Variants in NLRP2 observed in about 807,000 individuals in gnomAD.
NLRP2 encodes the protein NLR family pyrin domain containing 2, also known as NACHT, LRR and PYD domains-containing protein 2.
In NLRP2, 107 loss-of-function variants were observed where a neutral mutation model predicts 97.2. The ratio of observed to expected loss-of-function variants is 1.10; its 90% confidence interval spans 0.94 to 1.29. NLRP2 has a LOEUF of 1.29. NLRP2 is among the 50% of genes most tolerant of loss of function. The probability of loss-of-function intolerance (pLI) is 0.00; values close to 1 mark genes in which losing one functional copy is unlikely to be tolerated. For synonymous variants in NLRP2, 663 were observed against 551.5 expected (o/e 1.20, Z -2.83); for missense variants, 1,495 against 1,330.3 (o/e 1.12, Z -1.93).
chr19:54,988,385 C>A (rs922776535), intron 8 of NLRP2, among the ~76,000 whole-genome samples: 2 of 151,972 alleles, frequency 1.3e-5, no homozygotes, highest in Non-Finnish European at 2.9e-5. Context: ...CTCTGCCTCC[C>A]GGGTTCAAGT....
intron 2 of NLRP2, chr19:54,973,803 G>C: frequency 1.7e-6 from 1 of 594,934 alleles, no homozygotes; most frequent in Non-Finnish European, 3.3e-6. Context: ...CATGCCAATA[G>C]CGCTCACACA....
chr19:54,998,611 CTT>C (rs375510249), intron 12 of NLRP2, among the ~76,000 whole-genome samples: 4,252 of 41,586 alleles, frequency 0.1, 51 homozygotes, highest in Non-Finnish European at 0.13. Flanking sequence ...CATCTTTTTT[CTT>C]TTTTTTTTTT....
chr19:54,994,473 T>TAC lies in NLRP2; in HGVS notation c.2879+37_2879+38dup, dbSNP rs1555782435. The stretch of plus-strand genomic sequence containing the variant: ...ACTTATAAGTTCAACTTCCTATACT[T>TAC]ACACCTTACTGAATCTGTGGCTAGT... On this transcript the variant is annotated intron_variant, in intron 11 of 12. Coordinates refer to ENST00000448584, the MANE Select transcript of NLRP2 (RefSeq NM_017852.5). 2.5e-6 allele frequency: 4 copies of TAC among 1,604,940 alleles called. No homozygotes were observed. In the African/African-American group the frequency reaches 5.4e-5, roughly 21 times the overall value.
Position 55,000,986 on chromosome 19 carries a change from A to G in NLRP2, c.*88A>G. ...GTGACTCCTCTCCTCCCCGGCCCCT[A>G]CCCCTCAGGGATAATGAGTTCATTG... On this transcript the variant is annotated 3_prime_UTR_variant, in exon 13 of 13. Coordinates refer to ENST00000448584, the MANE Select transcript of NLRP2 (RefSeq NM_017852.5). 2 of 1,192,280 alleles carry G rather than the reference A, an allele frequency of 1.7e-6. No individual in the cohort carries two copies. The highest frequency in any genetic ancestry group is 1.2e-5 in the South Asian group (1 of 82,376). The allele number at this position is 1,192,280 out of a possible 1,614,324, so 73.9% of individuals were successfully genotyped here.
intron 12 of NLRP2, among the ~76,000 whole-genome samples, chr19:54,999,493 G>A (rs1180041972): frequency 6.6e-6 from 1 of 152,154 alleles, no homozygotes; most frequent in Non-Finnish European, 1.5e-5. Flanking sequence ...CTGAGTAGAA[G>A]TTGCCAAAGT....
Position 54,983,744 on chromosome 19 carries a change from C to T in NLRP2, c.2030+16C>T, listed in dbSNP as rs768108335. The T allele has an allele frequency of 5.6e-6, 9 of 1,605,922 alleles. No individual in the cohort carries two copies. The highest frequency in any genetic ancestry group is 1.3e-5 in the African/African-American group (1 of 74,886). On this transcript the variant is annotated intron_variant, in intron 6 of 12. Coordinates refer to ENST00000448584, the MANE Select transcript of NLRP2 (RefSeq NM_017852.5). Reference sequence around the variant, plus strand: ...AGGTTGAGAGGTGAGAACCGTTTCACTCTACCAGTCGTTCCATCTTTAGCC... The same window carrying T: ...AGGTTGAGAGGTGAGAACCGTTTCATTCTACCAGTCGTTCCATCTTTAGCC...
chr19:54,999,429 G>A (rs1457981458), intron 12 of NLRP2, among the ~76,000 whole-genome samples: 3 of 152,200 alleles, frequency 2.0e-5, no homozygotes, highest in African/African-American at 7.2e-5. Flanking sequence ...TTACAGGCGT[G>A]AGCCACCATG....
chr19:54,983,833 T>A (rs989252223), intron 6 of NLRP2, 105 bp downstream of exon 6: 34 of 1,455,696 alleles, frequency 2.3e-5, no homozygotes, highest in Non-Finnish European at 3.1e-5. Flanking sequence ...GGGTCAGGAA[T>A]TCCCTCTTGT....
At position 54,983,587 on chromosome 19, in the gene NLRP2, T is replaced by C. The variant is rs182098487; in HGVS notation, c.1889T>C (p.Leu630Pro). The C allele has an allele frequency of 3.9e-4, 628 of 1,614,144 alleles. 1 individual carries two copies. Among genetic ancestry groups the C allele is most frequent in the Non-Finnish European group, 4.8e-4 (571 of 1,180,006 alleles). Residue 630 changes from leucine to proline, a missense_variant, in exon 6 of 13, where the codon CTG (leucine) becomes CCG (proline). Transcript: ENST00000448584. Reference protein sequence around the residue: ...EVMAQFKEISLHLNAVDVVPS... With the variant: ...EVMAQFKEISPHLNAVDVVPS... Reference sequence around the variant, plus strand: ...ATGGCTCAGTTCAAAGAAATATCCCTGCACTTAAATGCAGTAGACGTTGTG... The same window carrying C: ...ATGGCTCAGTTCAAAGAAATATCCCCGCACTTAAATGCAGTAGACGTTGTG...
chr19:54,994,400 A>G lies in NLRP2; in HGVS notation c.2840A>G (p.Glu947Gly). The G allele has an allele frequency of 6.2e-7, 1 of 1,613,470 alleles. No homozygotes were observed. Residue 947 changes from glutamate to glycine, a missense_variant, in exon 11 of 13, where the codon GAG (glutamate) becomes GGG (glycine). Transcript: ENST00000448584. Reference sequence around the variant, plus strand: ...GTTAAGGGAATGAAGTTCCTGTGTGAGGCTTTGAGGAAACCACTGTGCAAC... The same window carrying G: ...GTTAAGGGAATGAAGTTCCTGTGTGGGGCTTTGAGGAAACCACTGTGCAAC... ...IGVKGMKFLC[E>G]ALRKPLCNLR... is the part of the protein sequence containing the mutation.
chr19:54,978,487 C>T (rs1307281132), intron 4 of NLRP2, among the ~76,000 whole-genome samples: 1 of 152,070 alleles, frequency 6.6e-6, no homozygotes, highest in African/African-American at 2.4e-5. Context: ...ATCTGCTCCA[C>T]CCACCCCCAA....
chr19:54,976,811 TC>T lies in NLRP2; in HGVS notation c.326-940del, dbSNP rs367733644. The stretch of plus-strand genomic sequence containing the variant: ...TATTAGGATTCCACCTTGTTCTCTC[TC>T]TTTTTTTTTTTTTTTTTGATACGGA... On this transcript the variant is annotated intron_variant, in intron 3 of 12. Transcript: ENST00000448584. The T allele has an allele frequency of 2.0e-3, 596 of 298,156 alleles. 35 individuals carry two copies. The highest frequency in any genetic ancestry group is 7.3e-3 in the African/African-American group (109 of 15,034). The allele number at this position is 298,156 out of a possible 1,614,324, so 18.5% of individuals were successfully genotyped here.
At chr19:54,980,416 G>A (rs906659081) in intron 4 of NLRP2, among the ~76,000 whole-genome samples, 10 of 151,720 alleles carry the variant, frequency 6.6e-5, no homozygotes, top group African/African-American at 1.7e-4. Context: ...GGATGGTCTC[G>A]ATCTCCTGAC....
At chr19:54,969,949 G>A in intron 1 of NLRP2, 50 bp from the exon 2 acceptor site, 2 of 1,570,038 alleles carry the variant, frequency 1.3e-6, no homozygotes, top group Non-Finnish European at 1.8e-6. Flanking sequence ...ATTTGAGACA[G>A]GAGTGCTAAT....
chr19:54,993,740 C>T (rs1654500), intron 10 of NLRP2: 4 of 228,436 alleles, frequency 1.8e-5, no homozygotes, highest in East Asian at 1.1e-4. Context: ...ACACACACAC[C>T]CCCCTGTAAT....
intron 10 of NLRP2, among the ~76,000 whole-genome samples, chr19:54,992,825 C>A (rs2072577309): frequency 6.6e-6 from 1 of 151,950 alleles, no homozygotes; most frequent in South Asian, 2.1e-4. Context: ...TCCCAAAGTG[C>A]TGGGATTACA....
intron 1 of NLRP2, among the ~76,000 whole-genome samples, chr19:54,966,938 T>C (rs369966788): frequency 2.0e-3 from 301 of 148,414 alleles, no homozygotes; most frequent in Middle Eastern, 0.011. Flanking sequence ...ACCTCTCAGG[T>C]TCAAGCAGTC....
chr19:54,980,819 A>G (rs2071523156), intron 4 of NLRP2, among the ~76,000 whole-genome samples: 1 of 152,188 alleles, frequency 6.6e-6, no homozygotes, highest in African/African-American at 2.4e-5. Flanking sequence ...GGACCATAAA[A>G]GCAGACCTGG....
intron 12 of NLRP2, among the ~76,000 whole-genome samples, chr19:55,000,363 G>A (rs1438426441): frequency 8.2e-6 from 1 of 121,474 alleles, no homozygotes; most frequent in East Asian, 3.0e-4. Context: ...TGCAAGCTCC[G>A]CCTCCCGGGT....
Sources: allele counts gnomAD v4.1 joint callset (sites outside exome capture counted in the v4.1 genomes callset), GRCh38; gene constraint gnomAD v4.1.1; transcripts MANE v1.5; gene names NCBI Gene and HGNC (gene_info 2026-07-23, HGNC 2026-07-21).